CEP120: variants seen among roughly 807,000 people sequenced by gnomAD.
The protein encoded by CEP120 is centrosomal protein of 120 kDa.
A neutral mutation model predicts 126.5 loss-of-function variants in CEP120; 113 were observed. The ratio of observed to expected loss-of-function variants is 0.89; its 90% CI spans 0.77 to 1.04. CEP120 has a LOEUF of 1.04. Among genes scored for constraint, CEP120 ranks in the 50% least tolerant of loss-of-function variants. CEP120 has a pLI of 0.00. For synonymous variants in CEP120, 400 were observed against 394.3 expected (o/e 1.01, Z -0.17); for missense variants, 1,230 against 1,155.7 (o/e 1.06, Z -0.93).
intron 4 of CEP120, among the ~76,000 whole-genome samples, chr5:123,404,187 A>G (rs1291360349): frequency 1.3e-5 from 2 of 152,202 alleles, no homozygotes; most frequent in Non-Finnish European, 2.9e-5. Flanking sequence ...CTTTTGGGGA[A>G]GACTGAGATT....
chr5:123,370,685 G>A lies in CEP120; in HGVS notation c.2481+1965C>T, dbSNP rs201373188. ...TATATACATATATGTGTGTGTGTGT[G>A]TATATATATATACACATATATACCT... On this transcript the variant is annotated intron_variant, in intron 17 of 19. Coordinates refer to ENST00000306467, the MANE Select transcript of CEP120 (RefSeq NM_001375405.1). Among the ~76,000 whole-genome samples, 750 of 146,048 alleles carry A rather than the reference G, an allele frequency of 5.1e-3. 7 individuals are homozygous for A. Among genetic ancestry groups the A allele is most frequent in the African/African-American group, 0.017 (681 of 39,868 alleles).
At chr5:123,390,238 T>G in intron 7 of CEP120, 98 bp from the exon 8 acceptor site, 1 of 928,486 alleles carries the variant, frequency 1.1e-6, no homozygotes, top group South Asian at 1.5e-5. Context: ...TAAGCTTCCT[T>G]TCCCAGTTTG....
chr5:123,384,992 A>G lies in CEP120; in HGVS notation c.1722T>C (p.Arg574=), dbSNP rs775135801. The G allele has an allele frequency of 1.2e-6, 2 of 1,612,104 alleles. No individual in the cohort carries two copies. Among genetic ancestry groups the G allele is most frequent in the African/African-American group, 1.3e-5 (1 of 74,738 alleles). ...CAGGCACACTTTCACTGTAAGTTTG[A>G]CGCCAACACTGTTCACCATTAGAAC... The part of the protein sequence containing the change: ...FLGSNGEQCW[R]QTYSESVPVI... Residue 574 remains arginine (R), a synonymous_variant, in exon 11 of 20, where the codon CGT becomes CGC. Transcript: ENST00000306467.
chr5:123,418,554 A>AC (rs780477410), intron 1 of CEP120, 39 bp from the exon 2 acceptor site: 1 of 1,501,862 alleles, frequency 6.7e-7, no homozygotes, highest in Non-Finnish European at 9.0e-7. Context: ...AAAAGTGTAC[A>AC]AAAATCAAAC....
In CEP120 at chr5:123,350,109, C is replaced by T. The variant is rs1043004775; in HGVS notation, c.2581-20G>A. 5.0e-6 allele frequency: 8 copies of T among 1,595,476 alleles called. No homozygotes were observed. The highest frequency in any genetic ancestry group is 1.1e-5 in the South Asian group (1 of 88,042). ...CTCCCTCTTGAAAGAAACAAAGAAA[C>T]AAGTCATATCCTTAATATTAGGAAC... On this transcript the variant is annotated intron_variant, in intron 18 of 19. Transcript: ENST00000306467.
At chr5:123,381,363 G>A (rs186922166) in intron 14 of CEP120, among the ~76,000 whole-genome samples, 16 of 140,824 alleles carry the variant, frequency 1.1e-4, no homozygotes, top group East Asian at 4.3e-4. Context: ...TGAGAGGAGG[G>A]GGTTATAGAG....
At chr5:123,406,691 T>C (rs1580729011) in intron 4 of CEP120, among the ~76,000 whole-genome samples, 2 of 151,894 alleles carry the variant, frequency 1.3e-5, no homozygotes, top group East Asian at 3.9e-4. Flanking sequence ...TTGAGGGCAT[T>C]TGTTGCCAGT....
At chr5:123,397,504 T>A (rs934830006) in intron 5 of CEP120, among the ~76,000 whole-genome samples, 1 of 152,104 alleles carries the variant, frequency 6.6e-6, no homozygotes, top group African/African-American at 2.4e-5. Context: ...CTATTAACAA[T>A]CCATAAGCAG....
At chr5:123,363,802 T>C (rs1343686549) in intron 18 of CEP120, among the ~76,000 whole-genome samples, 2 of 151,510 alleles carry the variant, frequency 1.3e-5, no homozygotes, top group East Asian at 3.9e-4. Context: ...TCATTCAGAA[T>C]AAAACTGACA....
At chr5:123,368,117 AT>A (rs1163240927) in intron 17 of CEP120, among the ~76,000 whole-genome samples, 29 of 151,948 alleles carry the variant, frequency 1.9e-4, no homozygotes, top group Non-Finnish European at 3.8e-4. Context: ...TACTTTTAAT[AT>A]GTTTAATGAT....
At chr5:123,400,247 A>T (rs1323688309) in intron 4 of CEP120, among the ~76,000 whole-genome samples, 1 of 152,152 alleles carries the variant, frequency 6.6e-6, no homozygotes, top group Non-Finnish European at 1.5e-5. Flanking sequence ...TCTGTCCTTG[A>T]CTTGTTGCAC....
chr5:123,403,776 C>T (rs1305649659), intron 4 of CEP120: 5 of 387,702 alleles, frequency 1.3e-5, no homozygotes, highest in Non-Finnish European at 2.5e-5. Flanking sequence ...TAAAATCAGA[C>T]AAACTCAAGT....
At chr5:123,354,380 T>C (rs1040912729) in intron 18 of CEP120, among the ~76,000 whole-genome samples, 5 of 152,132 alleles carry the variant, frequency 3.3e-5, no homozygotes, top group African/African-American at 9.7e-5. Context: ...TTCTGGACTT[T>C]TTTGATGAAG....
chr5:123,358,971 A>T (rs533346752), intron 18 of CEP120, among the ~76,000 whole-genome samples: 1 of 152,232 alleles, frequency 6.6e-6, no homozygotes, highest in Admixed American at 6.6e-5. Context: ...AATAACCCAG[A>T]GCTGACAAGT....
intron 18 of CEP120, among the ~76,000 whole-genome samples, chr5:123,361,514 C>T (rs1402854860): frequency 1.3e-5 from 2 of 151,842 alleles, no homozygotes; most frequent in African/African-American, 2.4e-5. Flanking sequence ...TTCCTTTATA[C>T]TCAAACTTGG....
chr5:123,385,638 A>G (rs1383226423), intron 10 of CEP120, among the ~76,000 whole-genome samples: 2 of 147,882 alleles, frequency 1.4e-5, no homozygotes, highest in East Asian at 2.0e-4. Flanking sequence ...TTTTTTTGAG[A>G]CAGGGTCTTG....
chr5:123,371,720 T>C (rs1770869519), intron 17 of CEP120, among the ~76,000 whole-genome samples: 4 of 151,996 alleles, frequency 2.6e-5, no homozygotes, highest in African/African-American at 9.7e-5. Context: ...TAGAGAGAGA[T>C]GGAAAAAACT....
At chr5:123,422,232 T>C (rs1279874204) in intron 1 of CEP120, among the ~76,000 whole-genome samples, 2 of 152,190 alleles carry the variant, frequency 1.3e-5, no homozygotes, top group Admixed American at 6.5e-5. Flanking sequence ...AAATTCCTAA[T>C]CATCTGTAGG....
At chr5:123,366,690 G>T (rs1026504960) in intron 17 of CEP120, among the ~76,000 whole-genome samples, 1 of 151,684 alleles carries the variant, frequency 6.6e-6, no homozygotes, top group Admixed American at 6.6e-5. Context: ...TGACTATGAG[G>T]TTCTTTTGTC....
Sources: allele counts gnomAD v4.1 joint callset (sites outside exome capture counted in the v4.1 genomes callset), GRCh38; gene constraint gnomAD v4.1.1; transcripts MANE v1.5; gene names NCBI Gene and HGNC (gene_info 2026-07-23, HGNC 2026-07-21).